MAP4K4: variants seen among roughly 807,000 people sequenced by gnomAD.
MAP4K4 encodes the protein HPK/GCK-like kinase HGK.
Under a neutral mutation model 189.6 loss-of-function variants are expected in MAP4K4, and 38 were observed. The ratio of observed to expected loss-of-function variants is 0.20; its 90% CI spans 0.15 to 0.26. MAP4K4 has a LOEUF of 0.26. Among genes scored for constraint, MAP4K4 ranks in the 10% least tolerant of loss-of-function variants. The probability of loss-of-function intolerance (pLI) is 1.00; values close to 1 mark genes in which losing one functional copy is unlikely to be tolerated. For synonymous variants in MAP4K4, 610 were observed against 624.3 expected, an observed-to-expected ratio of 0.98 and a Z score of 0.34; for missense variants, 1,054 against 1,726.9, an observed-to-expected ratio of 0.61 and a Z score of 6.91.
chr2:101,869,784 G>A (rs1437840647), exon 22 of MAP4K4: 2 of 1,570,256 alleles, frequency 1.3e-6, no homozygotes, highest in Non-Finnish European at 8.6e-7. Flanking sequence ...AGGACCAGAG[G>A]ACACCAGAGC....
chr2:101,716,735 A>T (rs887777904), intron 2 of MAP4K4, among the ~76,000 whole-genome samples: 2 of 152,102 alleles, frequency 1.3e-5, no homozygotes, highest in African/African-American at 2.4e-5. Flanking sequence ...TCTTCTATCC[A>T]TCTCTTCTAG....
At chr2:101,801,619 C>G (rs1453316866) in intron 3 of MAP4K4, among the ~76,000 whole-genome samples, 2 of 152,188 alleles carry the variant, frequency 1.3e-5, no homozygotes, top group African/African-American at 4.8e-5. Context: ...GCCACTCTTA[C>G]CAGTTCTGGG....
intron 2 of MAP4K4, among the ~76,000 whole-genome samples, chr2:101,707,957 T>C (rs2043272050): frequency 6.6e-6 from 1 of 151,520 alleles, no homozygotes; most frequent in African/African-American, 2.4e-5. Flanking sequence ...CACCTCGGCC[T>C]CTCTAAGTGC....
rs371096311 is a variant in MAP4K4, at chr2:101,859,870, C to T, written c.1704+6C>T. 161 of 1,590,332 alleles carry T rather than the reference C, an allele frequency of 1.0e-4. No individual in the cohort carries two copies. The highest frequency in any genetic ancestry group is 1.4e-4 in the Non-Finnish European group (158 of 1,168,614). ...CTGCTGACCGAGCGCGAGAGGTATC[C>T]TCTTTCCTTTGTCACTTAGACATTG... is the stretch of plus-strand genomic sequence containing the variant. On this transcript the variant is annotated splice_donor_region_variant and intron_variant, in intron 15 of 32. Transcript: ENST00000324219.
chr2:101,816,540 T>C (rs1412211770), intron 3 of MAP4K4, among the ~76,000 whole-genome samples: 1 of 152,106 alleles, frequency 6.6e-6, no homozygotes, highest in African/African-American at 2.4e-5. Context: ...TGCCACTGGG[T>C]TAGGGAGAGG....
At chr2:101,757,604 C>G (rs2073560589) in intron 2 of MAP4K4, among the ~76,000 whole-genome samples, 1 of 152,164 alleles carries the variant, frequency 6.6e-6, no homozygotes, top group Non-Finnish European at 1.5e-5. Flanking sequence ...ATTCCAAGAC[C>G]CCCAGTGGAT....
At chr2:101,775,049 T>TC (rs2083345708) in intron 2 of MAP4K4, among the ~76,000 whole-genome samples, 2 of 151,740 alleles carry the variant, frequency 1.3e-5, no homozygotes, top group African/African-American at 4.8e-5. Flanking sequence ...TTTTTTTTTT[T>TC]TTTTTAAAGG....
At position 101,776,403 on chromosome 2, in the gene MAP4K4, A is replaced by AC. The variant is rs564033864; in HGVS notation, c.124-14316dup. On this transcript the variant is annotated intron_variant, in intron 2 of 32. Coordinates refer to ENST00000324219, the Ensembl canonical transcript of MAP4K4. The stretch of plus-strand genomic sequence containing the variant: ...ACGCTGGAGAGCTCCTGCTGGTCTA[A>AC]CGGGGCAGTTCCCACTGGACTCCAG... 1.2e-4 allele frequency among the ~76,000 whole-genome samples: 18 copies of AC among 152,184 alleles called. No homozygotes were observed. In the East Asian group the frequency reaches 3.5e-3, roughly 29 times the overall value.
chr2:101,780,587 G>A (rs377442873), intron 2 of MAP4K4, among the ~76,000 whole-genome samples: 17 of 152,226 alleles, frequency 1.1e-4, no homozygotes, highest in East Asian at 3.9e-4. Flanking sequence ...TTCTGATGTC[G>A]TATGAAATCA....
chr2:101,764,108 A>G (rs752406540), intron 2 of MAP4K4, among the ~76,000 whole-genome samples: 1 of 152,138 alleles, frequency 6.6e-6, no homozygotes, highest in South Asian at 2.1e-4. Flanking sequence ...TATTTAACAT[A>G]CTTACAACAT....
At chr2:101,864,843 C>G in intron 17 of MAP4K4, 87 bp from the exon 18 acceptor site, 1 of 862,778 alleles carries the variant, frequency 1.2e-6, no homozygotes, top group East Asian at 2.7e-5. Flanking sequence ...AATATTAGGA[C>G]TGCTTTAAAA....
Position 101,866,380 on chromosome 2 carries a change from C to G in MAP4K4, c.2205-48C>G, listed in dbSNP as rs768706433. On this transcript the variant is annotated intron_variant, in intron 18 of 32. Transcript: ENST00000324219. ...TGCACATGTTGGTAATTTGGTGCTG[C>G]ATCTAGAGATGACACATTAGCTGTT... 3 of 1,563,730 alleles carry G rather than the reference C, an allele frequency of 1.9e-6. No homozygotes were observed. The Admixed American group carries it at 5.2e-5, about 27-fold the overall frequency.
At chr2:101,863,856 T>C (rs1366593450) in exon 17 of MAP4K4, 1 of 1,367,722 alleles carries the variant, frequency 7.3e-7, no homozygotes, top group African/African-American at 1.5e-5. Context: ...TCAAGAACAA[T>C]GTTTCCCCTG....
chr2:101,698,249 G>T, intron 1 of MAP4K4, 112 bp downstream of exon 1: 1 of 384,036 alleles, frequency 2.6e-6, no homozygotes, highest in Non-Finnish European at 3.7e-6. Flanking sequence ...GAGCCGCGGG[G>T]CGCGGCGGCC....
At chr2:101,850,623 C>T (rs989603205) in intron 12 of MAP4K4, among the ~76,000 whole-genome samples, 1 of 152,186 alleles carries the variant, frequency 6.6e-6, no homozygotes, top group African/African-American at 2.4e-5. Flanking sequence ...CTTTAATACA[C>T]ACAGTAATCA....
intron 2 of MAP4K4, among the ~76,000 whole-genome samples, chr2:101,774,132 C>CTATAGT (rs2082778619): frequency 6.6e-6 from 1 of 152,154 alleles, no homozygotes; most frequent in Non-Finnish European, 1.5e-5. Flanking sequence ...TTTAAGGAAC[C>CTATAGT]TCCAAATGGT....
intron 13 of MAP4K4, among the ~76,000 whole-genome samples, chr2:101,857,371 C>G (rs916201222): frequency 6.7e-6 from 1 of 149,766 alleles, no homozygotes; most frequent in Non-Finnish European, 1.5e-5. Context: ...TGTGTAGATG[C>G]GTGTTGTGTA....
chr2:101,852,818 T>C (rs533285481), intron 12 of MAP4K4, among the ~76,000 whole-genome samples: 4 of 152,276 alleles, frequency 2.6e-5, no homozygotes, highest in African/African-American at 9.6e-5. Flanking sequence ...ATATGCTACC[T>C]GGGAAAAGTG....
chr2:101,773,904 A>G (rs2082671270), intron 2 of MAP4K4, among the ~76,000 whole-genome samples: 2 of 152,162 alleles, frequency 1.3e-5, no homozygotes, highest in African/African-American at 2.4e-5. Flanking sequence ...TATTGTTGCA[A>G]ATGACAGGAT....
Sources: gnomAD v4.1 joint callset for allele counts (sites outside exome capture counted in the v4.1 genomes callset) on GRCh38, gnomAD v4.1.1 for gene constraint, MANE v1.5 for transcripts, NCBI Gene and HGNC (gene_info 2026-07-23, HGNC 2026-07-21) for gene names.